The following HNF1A variants were observed in gnomAD, a reference collection of about 807,000 sequenced individuals.
HNF1A encodes the protein hepatocyte nuclear factor 1-alpha.
HNF1A carries 21 observed loss-of-function variants against 62.2 expected under a neutral mutation model. That is an observed-to-expected ratio of 0.34 (90% confidence interval 0.24 to 0.49). HNF1A has a LOEUF of 0.49. HNF1A is among the 20% of genes least tolerant of loss of function. HNF1A has a pLI of 0.99. For missense variants in HNF1A, 687 were observed against 832.3 expected (o/e 0.83, Z 2.15); for synonymous variants, 374 against 366.8 (o/e 1.02, Z -0.22).
At chr12:120,982,460 A>C (rs7979478) in intron 1 of HNF1A, among the ~76,000 whole-genome samples, 4 of 151,268 alleles carry the variant, frequency 2.6e-5, no homozygotes, top group Non-Finnish European at 4.4e-5. Flanking sequence ...CCACGGCAGG[A>C]GGGGGGGGGG....
At chr12:120,987,580 AT>A (rs201790562) in intron 1 of HNF1A, among the ~76,000 whole-genome samples, 10 of 129,888 alleles carry the variant, frequency 7.7e-5, no homozygotes, top group Non-Finnish European at 9.8e-5. Context: ...TTCAGGAAGC[AT>A]TTTTAAAAAT....
At chr12:120,979,162 C>T (rs954705567) in intron 1 of HNF1A, 68 bp downstream of exon 1, 9 of 1,406,282 alleles carry the variant, frequency 6.4e-6, no homozygotes, top group South Asian at 3.7e-5. Flanking sequence ...TCCTAACGAG[C>T]CCCCCTTCTG....
chr12:120,999,667 G>A (rs2135851811), intron 9 of HNF1A, 40 bp downstream of exon 9: 1 of 1,590,674 alleles, frequency 6.3e-7, no homozygotes, highest in Non-Finnish European at 8.5e-7. Flanking sequence ...TACTGTCCCT[G>A]CCCCCTTCCA....
At chr12:121,000,377 G>C (rs910844618) in intron 9 of HNF1A, 2 of 160,152 alleles carry the variant, frequency 1.2e-5, no homozygotes, top group Admixed American at 5.9e-5. Flanking sequence ...GACACTCAAG[G>C]AGGGGAGGGA....
intron 4 of HNF1A, among the ~76,000 whole-genome samples, chr12:120,995,057 C>T (rs1375068045): frequency 1.3e-5 from 2 of 151,754 alleles, no homozygotes; most frequent in African/African-American, 4.8e-5. Flanking sequence ...CCATTCCATC[C>T]AACTTCATCC....
rs868538299 is a variant in HNF1A, at chr12:120,978,698, C to T, written c.-71C>T. The T allele has an allele frequency of 7.5e-6, 11 of 1,466,596 alleles. No individual in the cohort carries two copies. In the Middle Eastern group the frequency reaches 6.9e-4, roughly 93 times the overall value. 90.8% of individuals were successfully genotyped at this position (1,466,596 alleles called of 1,614,324 possible). On this transcript the variant is annotated 5_prime_UTR_variant, in exon 1 of 10. It adds an upstream start codon to the 5' untranslated region. Transcript: ENST00000257555. ...TTGTGTCTGCCGGCCGGCAGGCAAA[C>T]GCAACCCACGCGGTGGGGGAGGCGG...
intron 7 of HNF1A, chr12:120,997,951 C>A: frequency 1.6e-6 from 1 of 623,340 alleles, no homozygotes. Flanking sequence ...ACTCTTAGGG[C>A]CATATGAATT....
At chr12:120,982,795 C>T (rs183844880) in intron 1 of HNF1A, among the ~76,000 whole-genome samples, 27 of 152,272 alleles carry the variant, frequency 1.8e-4, no homozygotes, top group African/African-American at 5.5e-4. Context: ...GTCCTCCTAC[C>T]TCACGCTCCA....
intron 7 of HNF1A, chr12:120,997,994 C>G (rs1877205547): frequency 3.4e-6 from 2 of 596,280 alleles, no homozygotes; most frequent in Non-Finnish European, 6.0e-6. Context: ...GAAAGGTAAT[C>G]TGGGGCCAGG....
chr12:120,987,279 C>T (rs922526330), intron 1 of HNF1A, among the ~76,000 whole-genome samples: 5 of 151,966 alleles, frequency 3.3e-5, no homozygotes, highest in African/African-American at 1.2e-4. Context: ...TCGAGACCAT[C>T]CTGGCTAACA....
At chr12:120,986,102 C>T (rs775088078) in intron 1 of HNF1A, among the ~76,000 whole-genome samples, 3 of 152,172 alleles carry the variant, frequency 2.0e-5, no homozygotes, top group Non-Finnish European at 2.9e-5. Context: ...ATCCCCAGCA[C>T]CCCGTTCTCC....
chr12:120,987,003 C>T (rs1306127199), intron 1 of HNF1A, among the ~76,000 whole-genome samples: 3 of 152,144 alleles, frequency 2.0e-5, no homozygotes, highest in Non-Finnish European at 4.4e-5. Context: ...AGTCTGATCC[C>T]TTCTGTTCCC....
Position 120,996,950 on chromosome 12 carries a change from C to G in HNF1A, c.1309+208C>G, listed in dbSNP as rs1178197364. 6.7e-7 allele frequency: 1 copy of G among 1,489,868 alleles called. No homozygotes were observed. The highest frequency in any genetic ancestry group is 1.4e-5 in the African/African-American group (1 of 71,956). 92.3% of individuals were successfully genotyped at this position (1,489,868 alleles called of 1,614,324 possible). On this transcript the variant is annotated intron_variant, in intron 6 of 9. Coordinates refer to ENST00000257555, the MANE Select transcript of HNF1A (RefSeq NM_000545.8). This position sits in a 1 kb window ranked among gnomAD's most constrained non-coding sequence, Gnocchi z 4.5. ...AATCTCAGCAACTCAAGCAGGGAGG[C>G]AGGCACTAAGCATAATACATCAATT...
chr12:120,991,089 T>C (rs1172363499), intron 2 of HNF1A, among the ~76,000 whole-genome samples: 3 of 152,214 alleles, frequency 2.0e-5, no homozygotes, highest in Non-Finnish European at 1.5e-5. Context: ...TTTTGCAATC[T>C]GCGAATACAA....
chr12:120,981,534 C>G (rs1015830972), intron 1 of HNF1A, among the ~76,000 whole-genome samples: 1 of 152,226 alleles, frequency 6.6e-6, no homozygotes, highest in Non-Finnish European at 1.5e-5. Flanking sequence ...CTCTTCCTCT[C>G]GGCCTTTGCT....
chr12:120,981,187 C>A (rs1565880921), intron 1 of HNF1A, among the ~76,000 whole-genome samples: 1 of 148,068 alleles, frequency 6.8e-6, no homozygotes, highest in Non-Finnish European at 1.5e-5. Flanking sequence ...CTATTGAAGG[C>A]CTGGGCCATT....
chr12:120,991,117 C>T (rs1876813452), intron 2 of HNF1A, among the ~76,000 whole-genome samples: 1 of 152,222 alleles, frequency 6.6e-6, no homozygotes, highest in African/African-American at 2.4e-5. Context: ...CAGCAAAAAA[C>T]ATCCTTCTTT....
intron 2 of HNF1A, among the ~76,000 whole-genome samples, chr12:120,993,307 T>A (rs771479628): frequency 2.6e-5 from 4 of 152,168 alleles, no homozygotes; most frequent in Non-Finnish European, 4.4e-5. Flanking sequence ...CAGGGATTGA[T>A]TAGTGATGTT....
Position 121,001,418 on chromosome 12 carries a change from G to T in HNF1A, c.*226G>T, listed in dbSNP as rs182618441. On this transcript the variant is annotated 3_prime_UTR_variant, in exon 10 of 10. Transcript: ENST00000257555. The stretch of plus-strand genomic sequence containing the variant: ...ACAGGAGGGGGTCGTGGAGAGCTAG[G>T]AGCAAAGCCTGTTCATGGCAGATGT... 5.2e-6 allele frequency: 3 copies of T among 577,994 alleles called. No homozygotes were observed. In the African/African-American group the frequency reaches 5.6e-5, roughly 11 times the overall value. 35.8% of individuals were successfully genotyped at this position (577,994 alleles called of 1,614,324 possible).
Sources: allele counts gnomAD v4.1 joint callset (sites outside exome capture counted in the v4.1 genomes callset), GRCh38; gene constraint gnomAD v4.1.1; non-coding constraint Gnocchi (gnomAD v3.1); transcripts MANE v1.5; gene names NCBI Gene and HGNC (gene_info 2026-07-23, HGNC 2026-07-21).